Variants in POLR2F observed in about 807,000 individuals in gnomAD.
POLR2F encodes the protein DNA-directed RNA polymerases I, II, and III subunit RPABC2.
In POLR2F, 12 loss-of-function variants were observed where a neutral mutation model predicts 22.7. The ratio of observed to expected loss-of-function variants is 0.53; its 90% confidence interval spans 0.34 to 0.86. The LOEUF is 0.86. Among genes scored for constraint, POLR2F ranks in the 40% least tolerant of loss-of-function variants. POLR2F has a pLI of 0.02. For missense variants in POLR2F, 126 were observed against 171.5 expected, an observed-to-expected ratio of 0.73 and a Z score of 1.48; for synonymous variants, 57 against 66.0, an observed-to-expected ratio of 0.86 and a Z score of 0.66.
At chr22:37,994,100 G>C (rs2145791590) in intron 1 of POLR2F, among the ~76,000 whole-genome samples, 1 of 152,298 alleles carries the variant, frequency 6.6e-6, no homozygotes, top group East Asian at 1.9e-4. Context: ...GCATTTTCCA[G>C]GTGTGATGGC....
intron 1 of POLR2F, among the ~76,000 whole-genome samples, chr22:38,008,585 A>T (rs1338227346): frequency 6.6e-6 from 1 of 150,688 alleles, no homozygotes; most frequent in Non-Finnish European, 1.5e-5. Context: ...ACAAAACATT[A>T]AAAAAGCCAG....
rs906044123 is a variant in POLR2F at position 37,980,152 on chromosome 22, G to T, written c.293+12982G>T. 6.6e-6 allele frequency among the ~76,000 whole-genome samples: 1 copy of T among 152,112 alleles called. No homozygotes were observed. Among genetic ancestry groups the T allele is most frequent in the African/African-American group, 2.4e-5 (1 of 41,408 alleles). ...TGTACACACTTAGGACAAAGATGCC[G>T]GAGCAGGGCCTTGAGAGTCAGGGAG... On this transcript the variant is annotated intron_variant, in intron 4 of 4. Coordinates refer to the POLR2F transcript ENST00000405557. This position sits in a 1 kb window ranked among gnomAD's most constrained non-coding sequence, Gnocchi z 4.1.
At chr22:38,031,618 C>A (rs185504992), downstream of POLR2F, among the ~76,000 whole-genome samples, 485 of 152,278 alleles carry the variant, frequency 3.2e-3, 1 homozygote, top group Non-Finnish European at 4.8e-3. The surrounding 1 kb of genome is among the most constrained non-coding windows in gnomAD (Gnocchi z 4.1). Flanking sequence ...CGCCTGATGT[C>A]ACAGGTGTCC....
chr22:37,965,773 C>T (rs1468471256), intron 3 of POLR2F, among the ~76,000 whole-genome samples: 1 of 152,178 alleles, frequency 6.6e-6, no homozygotes, highest in Non-Finnish European at 1.5e-5. Flanking sequence ...GGCAGTTTTG[C>T]AAATGCAGGC....
intron 5 of POLR2F, among the ~76,000 whole-genome samples, chr22:38,037,570 GC>G (rs1167837228): frequency 1.3e-5 from 2 of 150,022 alleles, no homozygotes; most frequent in Admixed American, 1.3e-4. Context: ...CCACTTCCTG[GC>G]CAATGCCTGG....
At chr22:37,977,897 T>C (rs777946884) in intron 4 of POLR2F, 5 of 1,612,582 alleles carry the variant, frequency 3.1e-6, no homozygotes, top group Admixed American at 3.3e-5. Flanking sequence ...CCATCTGACA[T>C]GGGGGAGCCC....
chr22:38,029,134 C>T (rs1270942071), downstream of POLR2F, among the ~76,000 whole-genome samples: 4 of 152,078 alleles, frequency 2.6e-5, no homozygotes, highest in African/African-American at 4.8e-5. Context: ...GAGGAAGGGG[C>T]GTCACCCACT....
At chr22:37,995,540 ATATT>A (rs1436826800) in intron 1 of POLR2F, among the ~76,000 whole-genome samples, 1 of 152,102 alleles carries the variant, frequency 6.6e-6, no homozygotes, top group East Asian at 1.9e-4. Context: ...TTATGATCAC[ATATT>A]TATTGGCGGA....
intron 2 of POLR2F, chr22:37,958,232 A>G (rs1295534914): frequency 7.2e-6 from 1 of 138,270 alleles, no homozygotes; most frequent in African/African-American, 2.8e-5. Flanking sequence ...TCTGTCGCCC[A>G]GGCTGGAGCG....
intron 3 of POLR2F, among the ~76,000 whole-genome samples, chr22:37,960,292 C>T (rs1931579204): frequency 6.6e-6 from 1 of 151,600 alleles, no homozygotes; most frequent in South Asian, 2.1e-4. Flanking sequence ...GGCCCAATCT[C>T]AGCTCAGTAC....
chr22:37,981,235 A>G (rs1361963742), upstream of POLR2F, among the ~76,000 whole-genome samples: 2 of 152,196 alleles, frequency 1.3e-5, no homozygotes, highest in African/African-American at 4.8e-5. Flanking sequence ...CAGGAGTCAC[A>G]GCTTGGGGAG....
Position 37,967,640 on chromosome 22 carries a change from C to T in POLR2F, c.309C>T (p.Pro103=). 6.2e-7 allele frequency: 1 copy of T among 1,614,002 alleles called. No homozygotes were observed. Among genetic ancestry groups the T allele is most frequent in the Non-Finnish European group, 8.5e-7 (1 of 1,179,962 alleles). Residue 103 remains proline (P), a synonymous_variant, in exon 5 of 5, where the codon CCC becomes CCT. Transcript: ENST00000442738. ...CCTGCCACAGGGCCCGAAAGATCCCCATCATCATTCGCCGTTACCTGCCAG... is the reference window on the plus strand; with the variant it reads ...CCTGCCACAGGGCCCGAAAGATCCCTATCATCATTCGCCGTTACCTGCCAG... ...AMKELKARKI[P]IIIRRYLPDG... is the part of the protein sequence containing the mutation.
intron 1 of POLR2F, among the ~76,000 whole-genome samples, chr22:37,994,296 G>A (rs1008249286): frequency 1.3e-5 from 2 of 152,098 alleles, no homozygotes; most frequent in Non-Finnish European, 2.9e-5. Context: ...TCACACACAC[G>A]CACCCCAGCT....
At chr22:38,035,480 G>A (rs1383614134) in intron 5 of POLR2F, among the ~76,000 whole-genome samples, 1 of 152,202 alleles carries the variant, frequency 6.6e-6, no homozygotes, top group African/African-American at 2.4e-5. Context: ...AGGGCAGGGG[G>A]CCTGGCAGGA....
At chr22:37,983,644 C>T (rs1188849914), upstream of POLR2F, 2 of 1,598,902 alleles carry the variant, frequency 1.3e-6, no homozygotes, top group Non-Finnish European at 1.7e-6. This position sits in a 1 kb window ranked among gnomAD's most constrained non-coding sequence, Gnocchi z 9.5. Flanking sequence ...GCTCGCCTGG[C>T]CCCGGGCTGG....
downstream of POLR2F, chr22:37,973,631 T>C (rs780682304): frequency 6.2e-7 from 1 of 1,613,546 alleles, no homozygotes; most frequent in South Asian, 1.1e-5. Context: ...GAAGGCCGAG[T>C]AGAGGCCAGA....
At chr22:37,956,500 T>C (rs978218271) in intron 1 of POLR2F, among the ~76,000 whole-genome samples, 1 of 151,516 alleles carries the variant, frequency 6.6e-6, no homozygotes, top group Non-Finnish European at 1.5e-5. Flanking sequence ...CACTGCAACC[T>C]CCACCTCCTG....
rs574868255 is a variant in POLR2F, at chr22:37,965,130, C to G, written c.222-1969C>G. Among the ~76,000 whole-genome samples the G allele has an allele frequency of 3.2e-4, 48 of 152,084 alleles. No individual in the cohort carries two copies. In the South Asian group the frequency reaches 9.8e-3, roughly 31 times the overall value. ...AAGCGATTCTCATGCCTCAGCCTCT[C>G]GAGTATCTGGGACTACAGGCATGTG... On this transcript the variant is annotated intron_variant, in intron 3 of 4. Coordinates refer to ENST00000442738, the MANE Select transcript of POLR2F (RefSeq NM_021974.5).
chr22:38,038,893 CTCAGGGCGGCCT>C (rs2085143583), intron 5 of POLR2F, among the ~76,000 whole-genome samples: 1 of 151,986 alleles, frequency 6.6e-6, no homozygotes, highest in South Asian at 2.1e-4. Flanking sequence ...GCGAGCGGCC[CTCAGGGCGGCCT>C]GGGCTTTCCC....
Sources: gnomAD v4.1 joint callset for allele counts (sites outside exome capture counted in the v4.1 genomes callset) on GRCh38, gnomAD v4.1.1 for gene constraint, Gnocchi (gnomAD v3.1) non-coding constraint, MANE v1.5 for transcripts, NCBI Gene and HGNC (gene_info 2026-07-23, HGNC 2026-07-21) for gene names.